ADAM9: variants seen among roughly 807,000 people sequenced by gnomAD.
ADAM9 encodes the protein disintegrin and metalloproteinase domain-containing protein 9.
Under a neutral mutation model 108.1 loss-of-function variants are expected in ADAM9, and 54 were observed. That is an observed-to-expected ratio of 0.50 (90% CI 0.40 to 0.63). ADAM9 has a LOEUF of 0.63. Among genes scored for constraint, ADAM9 ranks in the 20% least tolerant of loss-of-function variants. The pLI is 0.00. For synonymous variants in ADAM9, 316 were observed against 336.0 expected, an observed-to-expected ratio of 0.94 and a Z score of 0.65; for missense variants, 830 against 997.7, an observed-to-expected ratio of 0.83 and a Z score of 2.26.
At chr8:39,033,310 G>A (rs1163398392) in intron 11 of ADAM9, among the ~76,000 whole-genome samples, 1 of 152,058 alleles carries the variant, frequency 6.6e-6, no homozygotes, top group Non-Finnish European at 1.5e-5. Flanking sequence ...AGTTCCAGGA[G>A]TCTTTTTCAA....
intron 18 of ADAM9, among the ~76,000 whole-genome samples, chr8:39,084,464 T>TA (rs2129442596): frequency 6.6e-6 from 1 of 152,126 alleles, no homozygotes; most frequent in East Asian, 1.9e-4. Flanking sequence ...TTCTTTGACT[T>TA]ACAGGTTATT....
At chr8:39,052,574 T>G (rs1837992427) in intron 12 of ADAM9, among the ~76,000 whole-genome samples, 1 of 151,936 alleles carries the variant, frequency 6.6e-6, no homozygotes, top group Non-Finnish European at 1.5e-5. Flanking sequence ...ATTATTTTAG[T>G]TTTTTTTAAA....
intron 18 of ADAM9, among the ~76,000 whole-genome samples, chr8:39,089,249 G>A (rs1370512801): frequency 6.6e-6 from 1 of 151,392 alleles, no homozygotes; most frequent in East Asian, 1.9e-4. Context: ...TCCATCTCGG[G>A]AAAAGAAAAG....
In ADAM9 at chr8:39,089,854, A is replaced by C. The variant is rs879667976; in HGVS notation, c.2069-193A>C. On this transcript the variant is annotated intron_variant, in intron 18 of 21. Coordinates refer to ENST00000487273, the MANE Select transcript of ADAM9 (RefSeq NM_003816.3). Reference sequence around the variant, plus strand: ...TGTAAGGTTACAGAAGAAACTAATAAAAGTGGTTATTTTTGTGAAGGCAGA... The same window carrying C: ...TGTAAGGTTACAGAAGAAACTAATACAAGTGGTTATTTTTGTGAAGGCAGA... 61 of 608,980 alleles carry C rather than the reference A, an allele frequency of 1.0e-4. No individual in the cohort carries two copies. The Admixed American group carries it at 1.3e-3, about 13-fold the overall frequency. 37.7% of individuals were successfully genotyped at this position (608,980 alleles called of 1,614,324 possible).
At chr8:38,997,409 G>A (rs1835852865) in intron 1 of ADAM9, among the ~76,000 whole-genome samples, 1 of 152,108 alleles carries the variant, frequency 6.6e-6, no homozygotes, top group Admixed American at 6.5e-5. Flanking sequence ...CGATGGAGCC[G>A]TTCCCAGCGT....
At chr8:39,025,917 T>C in intron 10 of ADAM9, 33 bp downstream of exon 10, 1 of 1,584,346 alleles carries the variant, frequency 6.3e-7, no homozygotes, top group South Asian at 1.1e-5. Context: ...CTTTGGATGT[T>C]TGCACTGGGA....
chr8:39,009,253 T>C (rs913255717), intron 2 of ADAM9, among the ~76,000 whole-genome samples: 5 of 152,338 alleles, frequency 3.3e-5, no homozygotes, highest in Admixed American at 3.3e-4. Flanking sequence ...TACCATTTGA[T>C]TATGTTTTGT....
In ADAM9 at chr8:39,004,285, C is replaced by T. The variant is rs184309645; in HGVS notation, c.98-3601C>T. Among the ~76,000 whole-genome samples the T allele has an allele frequency of 2.3e-3, 355 of 151,688 alleles. 1 individual carries two copies. The highest frequency in any genetic ancestry group is 3.4e-3 in the Middle Eastern group (1 of 292). ...CTGGAGTGCAGTTGCATAATCATGG[C>T]TCACTGCAGCCTTGATCTCCCAGGC... is the stretch of plus-strand genomic sequence containing the variant. On this transcript the variant is annotated intron_variant, in intron 1 of 21. Coordinates refer to ENST00000487273, the MANE Select transcript of ADAM9 (RefSeq NM_003816.3).
At position 39,090,036 on chromosome 8, in the gene ADAM9, C is replaced by G. The variant is rs758475354; in HGVS notation, c.2069-11C>G. 3 of 1,613,464 alleles carry G rather than the reference C, an allele frequency of 1.9e-6. No individual in the cohort carries two copies. In the Admixed American group the frequency reaches 5.0e-5, roughly 27 times the overall value. On this transcript the variant is annotated splice_polypyrimidine_tract_variant and intron_variant, in intron 18 of 21. Coordinates refer to ENST00000487273, the MANE Select transcript of ADAM9 (RefSeq NM_003816.3). Reference sequence around the variant, plus strand: ...GTTTGGTGACTGTTGATGTAAAATTCTTCTCTCTAGAAATGAATACTGCAT... The same window carrying G: ...GTTTGGTGACTGTTGATGTAAAATTGTTCTCTCTAGAAATGAATACTGCAT...
chr8:39,007,896 G>T lies in ADAM9; in HGVS notation c.108G>T (p.Gln36His). ...VLGAARPGFQ[Q>H]TSHLSSYEII... ...TTGCCTTTTCTGTAGGCTTTCAACA[G>T]ACCTCACATCTTTCTTCTTATGAAA... Residue 36 changes from glutamine to histidine, a missense_variant, in exon 2 of 22, where the codon CAG (glutamine) becomes CAT (histidine). Gln to His is a conservative substitution (Grantham distance 24). Around this residue, in one of 3 missense-constraint regions of ADAM9, gnomAD observed 211 missense variants for 222.2 expected, o/e 0.95. Coordinates refer to ENST00000487273, the MANE Select transcript of ADAM9 (RefSeq NM_003816.3). 6.2e-7 allele frequency: 1 copy of T among 1,610,976 alleles called. No homozygotes were observed. Among genetic ancestry groups the T allele is most frequent in the Non-Finnish European group, 8.5e-7 (1 of 1,178,138 alleles).
At chr8:39,068,631 T>C (rs1479353604) in intron 14 of ADAM9, among the ~76,000 whole-genome samples, 6 of 125,314 alleles carry the variant, frequency 4.8e-5, no homozygotes, top group African/African-American at 1.6e-4. Flanking sequence ...GCCGAGATCA[T>C]GCCATTGCAC....
At chr8:39,102,986 C>A (rs73604731) in intron 21 of ADAM9, among the ~76,000 whole-genome samples, 275 of 152,302 alleles carry the variant, frequency 1.8e-3, no homozygotes, top group African/African-American at 6.3e-3. Context: ...CTTTATTATA[C>A]AGTAAGAATA....
chr8:39,065,293 A>G (rs1465451146), intron 14 of ADAM9, among the ~76,000 whole-genome samples: 1 of 150,566 alleles, frequency 6.6e-6, no homozygotes, highest in Non-Finnish European at 1.5e-5. Flanking sequence ...CATTTCAGGC[A>G]CTATGATTTT....
chr8:38,997,270 C>T, intron 1 of ADAM9, 110 bp downstream of exon 1: 2 of 1,324,288 alleles, frequency 1.5e-6, no homozygotes, highest in Admixed American at 2.1e-5. Context: ...GGGATCGGAC[C>T]CGGGGTCGGG....
chr8:39,091,955 T>G (rs916219259), intron 20 of ADAM9, among the ~76,000 whole-genome samples: 3 of 152,204 alleles, frequency 2.0e-5, no homozygotes, highest in African/African-American at 7.2e-5. Flanking sequence ...TTTCAATACC[T>G]GTCTCCATCT....
intron 14 of ADAM9, among the ~76,000 whole-genome samples, chr8:39,067,879 G>A (rs1486974006): frequency 2.0e-5 from 3 of 152,148 alleles, no homozygotes; most frequent in Admixed American, 1.3e-4. Context: ...TTGGCTGTGG[G>A]TTTGTCATAA....
chr8:39,055,587 G>A lies in ADAM9; in HGVS notation c.1406G>A (p.Gly469Glu). The A allele has an allele frequency of 6.2e-7, 1 of 1,613,588 alleles. No homozygotes were observed. The highest frequency in any genetic ancestry group is 2.2e-5 in the East Asian group (1 of 44,854). The change falls in exon 14 of 22, where the codon GGA becomes GAA. Residue 469 changes from glycine to glutamate, a missense_variant. Physicochemically the swap from Gly to Glu is moderately conservative, Grantham distance 98 (BLOSUM62 -2). Transcript: ENST00000487273. Reference protein sequence around the residue: ...DCCKDCRFLPGGTLCRGKTSE... With the variant: ...DCCKDCRFLPEGTLCRGKTSE... ...ATTCTATTTCACTAGTTCCTTCCAG[G>A]AGGTACTTTATGCCGAGGAAAAACC...
Position 39,054,557 on chromosome 8 carries a change from G to A in ADAM9, c.1379G>A (p.Cys460Tyr). Residue 460 changes from cysteine to tyrosine, a missense_variant, in exon 13 of 22, where the codon TGT becomes TAT. Physicochemically the swap from Cys to Tyr is radical, Grantham distance 194. Coordinates refer to ENST00000487273, the MANE Select transcript of ADAM9 (RefSeq NM_003816.3). ...KSFAECAYGD[C>Y]CKDCRFLPGG... ...TTTGCTGAGTGTGCATATGGTGACT[G>A]TTGTAAAGACTGTCGGGTAAGGAAT... 3 of 1,536,978 alleles carry A rather than the reference G, an allele frequency of 2.0e-6. No individual in the cohort carries two copies. The highest frequency in any genetic ancestry group is 2.7e-6 in the Non-Finnish European group (3 of 1,128,894).
intron 12 of ADAM9, among the ~76,000 whole-genome samples, chr8:39,045,260 A>ATGTGTG (rs1837660637): frequency 1.4e-5 from 2 of 146,620 alleles, no homozygotes; most frequent in African/African-American, 2.5e-5. Flanking sequence ...ATATGTGTAT[A>ATGTGTG]TATGTGTATA....
Sources: gnomAD v4.1 joint callset for allele counts (sites outside exome capture counted in the v4.1 genomes callset) on GRCh38, gnomAD v4.1.1 for gene constraint, gnomAD v4.1.1 regional missense constraint, MANE v1.5 for transcripts, NCBI Gene and HGNC (gene_info 2026-07-23, HGNC 2026-07-21) for gene names.